CERS4: variants seen among roughly 807,000 people sequenced by gnomAD.
CERS4 encodes the protein LAG1 homolog, ceramide synthase 4.
CERS4 carries 65 observed loss-of-function variants against 51.8 expected under a neutral mutation model. The observed-to-expected ratio is 1.26, with a 90% confidence interval of 1.03 to 1.54. The LOEUF (loss-of-function observed/expected upper bound fraction) is 1.54. Ranked by LOEUF, CERS4 falls within the 40% of genes most tolerant of loss-of-function variation. The pLI, the probability that CERS4 is intolerant of heterozygous loss-of-function variation, is 0.00. For synonymous variants in CERS4, 228 were observed against 208.4 expected (o/e 1.09, Z -0.81); for missense variants, 563 against 500.4 (o/e 1.13, Z -1.19).
Position 8,243,101 on chromosome 19 carries a change from G to A in CERS4, c.-1-7975G>A, listed in dbSNP as rs191688630. Reference sequence around the variant, plus strand: ...ACCAGTGACTCAGAAGGCTGAGGTGGGAGGATGGCTTGAACCCAGGAGTTT... The same window carrying A: ...ACCAGTGACTCAGAAGGCTGAGGTGAGAGGATGGCTTGAACCCAGGAGTTT... On this transcript the variant is annotated intron_variant, in intron 2 of 11. Coordinates refer to ENST00000251363, the MANE Select transcript of CERS4 (RefSeq NM_024552.3). Among the ~76,000 whole-genome samples, 297 of 150,792 alleles carry A rather than the reference G, an allele frequency of 2.0e-3. 1 individual carries two copies. The highest frequency in any genetic ancestry group is 6.8e-3 in the African/African-American group (281 of 41,062).
intron 2 of CERS4, among the ~76,000 whole-genome samples, chr19:8,212,756 A>T (rs1967131909): frequency 6.7e-6 from 1 of 148,952 alleles, no homozygotes; most frequent in African/African-American, 2.5e-5. Context: ...CTCCTGCCTC[A>T]GCCTCCTGAG....
chr19:8,245,111 C>CAAA (rs74179480), intron 2 of CERS4, among the ~76,000 whole-genome samples: 3 of 21,750 alleles, frequency 1.4e-4, no homozygotes, highest in East Asian at 1.9e-3. Context: ...GACTCCATCT[C>CAAA]AAAAAAAAAA....
chr19:8,230,896 G>A (rs1315034035), intron 2 of CERS4, among the ~76,000 whole-genome samples: 2 of 152,180 alleles, frequency 1.3e-5, no homozygotes, highest in Non-Finnish European at 2.9e-5. Context: ...CTGGAATGCA[G>A]TGGTGCAATC....
At chr19:8,258,735 G>C (rs966765510) in intron 10 of CERS4, among the ~76,000 whole-genome samples, 1 of 152,104 alleles carries the variant, frequency 6.6e-6, no homozygotes, top group Non-Finnish European at 1.5e-5. Flanking sequence ...CCAGCTACTC[G>C]GGAGGCTGAG....
chr19:8,246,827 A>G (rs1318953272), intron 2 of CERS4, among the ~76,000 whole-genome samples: 2 of 152,086 alleles, frequency 1.3e-5, no homozygotes, highest in Non-Finnish European at 2.9e-5. Flanking sequence ...TATTCACTGT[A>G]AAATTCTTTC....
chr19:8,254,486 C>T lies in CERS4; in HGVS notation c.174-13C>T. On this transcript the variant is annotated splice_polypyrimidine_tract_variant and intron_variant, in intron 3 of 11. Coordinates refer to ENST00000251363, the MANE Select transcript of CERS4 (RefSeq NM_024552.3). ...TCACCTGGGCTGATAGGCTCTGTCTCCTTTGCACCCAGATTCATTGGCCTG... is the reference window on the plus strand; with the variant it reads ...TCACCTGGGCTGATAGGCTCTGTCTTCTTTGCACCCAGATTCATTGGCCTG... 6.2e-7 allele frequency: 1 copy of T among 1,612,388 alleles called. No homozygotes were observed.
At chr19:8,237,224 G>A (rs888118639) in intron 2 of CERS4, among the ~76,000 whole-genome samples, 2 of 151,958 alleles carry the variant, frequency 1.3e-5, no homozygotes. Flanking sequence ...TCTTGATTGA[G>A]GGGGTGATTT....
At chr19:8,233,371 T>C (rs1968100458) in intron 2 of CERS4, among the ~76,000 whole-genome samples, 1 of 151,988 alleles carries the variant, frequency 6.6e-6, no homozygotes, top group Non-Finnish European at 1.5e-5. Flanking sequence ...TTCACCATGT[T>C]GGCCAGGCTG....
At chr19:8,252,293 C>T (rs1197863827) in intron 3 of CERS4, among the ~76,000 whole-genome samples, 13 of 151,458 alleles carry the variant, frequency 8.6e-5, no homozygotes, top group Non-Finnish European at 1.9e-4. Context: ...TTGCTTGAAC[C>T]CAGGAGACAG....
intron 5 of CERS4, 40 bp from the exon 6 acceptor site, chr19:8,255,772 TGGGGCGGGGC>T (rs71786313): frequency 0.45 from 570,934 of 1,259,552 alleles, 108,459 homozygotes; most frequent in Non-Finnish European, 0.52. Flanking sequence ...CGGGCCGGGG[TGGGGCGGGGC>T]GGGTGTCTGC....
chr19:8,253,743 A>G (rs1444334457), intron 3 of CERS4, among the ~76,000 whole-genome samples: 2 of 151,982 alleles, frequency 1.3e-5, no homozygotes, highest in African/African-American at 4.8e-5. Context: ...GGTGCACGCC[A>G]CCACACCCAG....
chr19:8,254,421 G>T (rs932661881), intron 3 of CERS4, 78 bp from the exon 4 acceptor site: 4 of 1,339,506 alleles, frequency 3.0e-6, no homozygotes, highest in Admixed American at 3.6e-5. Context: ...TTATCCCACC[G>T]GCAGCATGTC....
intron 2 of CERS4, among the ~76,000 whole-genome samples, chr19:8,211,737 C>G (rs765074957): frequency 3.1e-4 from 47 of 151,782 alleles, no homozygotes; most frequent in Non-Finnish European, 5.2e-4. Context: ...ACTAGAAATA[C>G]AAAAATTAGC....
At chr19:8,256,385 C>A in intron 7 of CERS4, 99 bp downstream of exon 7, 2 of 1,346,802 alleles carry the variant, frequency 1.5e-6, no homozygotes, top group South Asian at 1.3e-5. Context: ...ACTACACTGT[C>A]ATTCCCCACT....
At chr19:8,239,621 C>T (rs897051876) in intron 2 of CERS4, 1 of 152,120 alleles carries the variant, frequency 6.6e-6, no homozygotes, top group Admixed American at 6.6e-5. Flanking sequence ...TTGACTGTCC[C>T]CCTTGCTGAC....
At chr19:8,240,378 T>TGCTCAGAGAG (rs1167555294) in intron 2 of CERS4, 2 of 152,158 alleles carry the variant, frequency 1.3e-5, no homozygotes, top group African/African-American at 4.8e-5. Flanking sequence ...GTGGGACCTC[T>TGCTCAGAGAG]GCTCAGAGAG....
At chr19:8,211,922 C>G (rs922444059) in intron 2 of CERS4, among the ~76,000 whole-genome samples, 9 of 147,974 alleles carry the variant, frequency 6.1e-5, no homozygotes, top group African/African-American at 2.2e-4. Context: ...AATTCAGAGT[C>G]ATGCCTGGGG....
chr19:8,261,491 G>A (rs1056604315), intron 10 of CERS4, 197 bp from the exon 11 acceptor site: 3 of 609,902 alleles, frequency 4.9e-6, no homozygotes, highest in East Asian at 2.8e-5. Context: ...GCTCGTGTGT[G>A]TGTTCTGCTC....
intron 2 of CERS4, among the ~76,000 whole-genome samples, chr19:8,228,292 A>G (rs1967869233): frequency 6.6e-6 from 1 of 152,194 alleles, no homozygotes; most frequent in Non-Finnish European, 1.5e-5. Context: ...TGGTTACACA[A>G]CCATGTGAAA....
Sources: gnomAD v4.1 joint callset for allele counts (sites outside exome capture counted in the v4.1 genomes callset) on GRCh38, gnomAD v4.1.1 for gene constraint, MANE v1.5 for transcripts, NCBI Gene and HGNC (gene_info 2026-07-23, HGNC 2026-07-21) for gene names.